Variants in NPFFR1 observed in about 807,000 individuals in gnomAD.
NPFFR1 encodes the protein neuropeptide FF receptor 1, also known as G-protein coupled receptor 147.
Under a neutral mutation model 12.7 loss-of-function variants are expected in NPFFR1, and 17 were observed. The ratio of observed to expected loss-of-function variants is 1.34; its 90% confidence interval spans 0.92 to 2.01. NPFFR1 has a LOEUF of 2.01. Among genes scored for constraint, NPFFR1 ranks in the 30% most tolerant of loss-of-function variants. The probability of loss-of-function intolerance (pLI) is 0.00; values close to 1 mark genes in which losing one functional copy is unlikely to be tolerated. For synonymous variants in NPFFR1, 296 were observed against 264.5 expected (o/e 1.12, Z -1.16); for missense variants, 604 against 606.5 (o/e 1.00, Z 0.04).
rs1254903928 is a variant in NPFFR1, at chr10:70,249,086, A to G, written c.*5871T>C. On this transcript the variant is annotated 3_prime_UTR_variant, in exon 4 of 4. Transcript: ENST00000277942. ...ACACTATATCCTCTTACCTTGCTTT[A>G]GACCCATTCTTAATGGATTTAAAAA... The G allele has an allele frequency of 6.6e-6, 1 of 152,140 alleles. No homozygotes were observed. Among genetic ancestry groups the G allele is most frequent in the Non-Finnish European group, 1.5e-5 (1 of 68,040 alleles). 9.4% of individuals were successfully genotyped at this position (152,140 alleles called of 1,614,324 possible).
intron 2 of NPFFR1, among the ~76,000 whole-genome samples, chr10:70,264,392 A>T (rs1840668453): frequency 7.2e-6 from 1 of 138,570 alleles, no homozygotes; most frequent in Non-Finnish European, 1.6e-5. Context: ...AAAAAAAAAG[A>T]AAGAAAAAAT....
Position 70,283,775 on chromosome 10 carries a change from C to T in NPFFR1, c.-99G>A. On this transcript the variant is annotated 5_prime_UTR_variant, in exon 1 of 4. Coordinates refer to ENST00000277942, the MANE Select transcript of NPFFR1 (RefSeq NM_022146.5). ...GGGACGGTCTCCGGGCACTTGGTTG[C>T]GGGCTGCGCCCCTGCCTCCGCGCTC... 7.3e-7 allele frequency: 1 copy of T among 1,364,772 alleles called. No homozygotes were observed. The highest frequency in any genetic ancestry group is 1.0e-6 in the Non-Finnish European group (1 of 995,606). 84.5% of individuals were successfully genotyped at this position (1,364,772 alleles called of 1,614,324 possible).
In NPFFR1 at chr10:70,253,986, G is replaced by A. The variant is rs1840537222; in HGVS notation, c.*971C>T. On this transcript the variant is annotated 3_prime_UTR_variant, in exon 4 of 4. Coordinates refer to ENST00000277942, the MANE Select transcript of NPFFR1 (RefSeq NM_022146.5). ...TGGCACTCCGGCTGCAGCTTCAGTT[G>A]ACCAACTTCTCCCTCCCAGGAAGCA... The A allele has an allele frequency of 1.3e-5, 2 of 152,216 alleles. No individual in the cohort carries two copies. The highest frequency in any genetic ancestry group is 4.1e-4 in the South Asian group (2 of 4,826). The allele number at this position is 152,216 out of a possible 1,614,324, so 9.4% of individuals were successfully genotyped here.
Position 70,277,182 on chromosome 10 carries a change from C to T in NPFFR1, c.7+6488G>A, listed in dbSNP as rs538392405. Among the ~76,000 whole-genome samples, 4 of 152,366 alleles carry T rather than the reference C, an allele frequency of 2.6e-5. No individual in the cohort carries two copies. In the East Asian group the frequency reaches 7.7e-4, roughly 29 times the overall value. On this transcript the variant is annotated intron_variant, in intron 1 of 3. Transcript: ENST00000277942. The stretch of plus-strand genomic sequence containing the variant: ...TCTGCCTCCCCAGCAGCAGCTGAGA[C>T]CCTTCCCATTCTTCCCTCCCAGTAA...
rs1547316 is a variant in NPFFR1, at chr10:70,250,837, C to T, written c.*4120G>A. Reference sequence around the variant, plus strand: ...AACTCGTCAAGCAGTACACTTAAGACGGGTGAATTTTTTCATATTCAAGTT... The same window carrying T: ...AACTCGTCAAGCAGTACACTTAAGATGGGTGAATTTTTTCATATTCAAGTT... On this transcript the variant is annotated 3_prime_UTR_variant, in exon 4 of 4. Coordinates refer to ENST00000277942, the MANE Select transcript of NPFFR1 (RefSeq NM_022146.5). 0.99 allele frequency: 151,267 copies of T among 152,354 alleles called. 75,103 individuals are homozygous for T. The highest frequency in any genetic ancestry group is 1 in the Middle Eastern group (294 of 294). 9.4% of individuals were successfully genotyped at this position (152,354 alleles called of 1,614,324 possible).
rs867317279 is a variant in NPFFR1 at position 70,283,626 on chromosome 10, G to T, written c.7+44C>A. 48 of 1,522,256 alleles carry T rather than the reference G, an allele frequency of 3.2e-5. No homozygotes were observed. The Middle Eastern group carries it at 3.3e-3, about 106-fold the overall frequency. 94.3% of individuals were successfully genotyped at this position (1,522,256 alleles called of 1,614,324 possible). ...TCCCTTCGCCCCATGCCCCGGAGTC[G>T]GTACCCTGCCCCACGGCTGGCCCCC... On this transcript the variant is annotated intron_variant, in intron 1 of 3. Coordinates refer to ENST00000277942, the MANE Select transcript of NPFFR1 (RefSeq NM_022146.5).
At position 70,271,276 on chromosome 10, in the gene NPFFR1, G is replaced by A. The variant is rs149376941; in HGVS notation, c.8-4885C>T. Reference sequence around the variant, plus strand: ...CCCTGTAGTCACAGTACTTTGGGAGGCCAAGGTGGGAGGATCACTTGAGCT... The same window carrying A: ...CCCTGTAGTCACAGTACTTTGGGAGACCAAGGTGGGAGGATCACTTGAGCT... On this transcript the variant is annotated intron_variant, in intron 1 of 3. Transcript: ENST00000277942. Among the ~76,000 whole-genome samples the A allele has an allele frequency of 4.6e-3, 699 of 152,282 alleles. 8 individuals carry two copies. Among genetic ancestry groups the A allele is most frequent in the African/African-American group, 0.016 (651 of 41,540 alleles).
intron 1 of NPFFR1, among the ~76,000 whole-genome samples, chr10:70,275,641 T>C (rs1295902778): frequency 1.3e-5 from 2 of 152,132 alleles, no homozygotes; most frequent in Admixed American, 1.3e-4. Flanking sequence ...AAGCATGCCT[T>C]GTTCAGCTTG....
intron 1 of NPFFR1, among the ~76,000 whole-genome samples, chr10:70,270,494 C>A (rs1840734742): frequency 6.6e-6 from 1 of 152,224 alleles, no homozygotes; most frequent in African/African-American, 2.4e-5. Context: ...CCCCCACTAT[C>A]CTTCACTTGG....
chr10:70,275,644 T>A (rs553037343), intron 1 of NPFFR1, among the ~76,000 whole-genome samples: 1 of 152,268 alleles, frequency 6.6e-6, no homozygotes, highest in African/African-American at 2.4e-5. Flanking sequence ...CATGCCTTGT[T>A]CAGCTTGAAA....
At position 70,283,748 on chromosome 10, in the gene NPFFR1, G is replaced by A; in HGVS notation, c.-72C>T. 1 of 1,505,008 alleles carries A rather than the reference G, an allele frequency of 6.6e-7. No homozygotes were observed. Among genetic ancestry groups the A allele is most frequent in the African/African-American group, 1.4e-5 (1 of 72,552 alleles). 93.2% of individuals were successfully genotyped at this position (1,505,008 alleles called of 1,614,324 possible). A position where few individuals can be genotyped will look rare whatever the true frequency, so the allele number is the denominator to read the frequency against. On this transcript the variant is annotated 5_prime_UTR_variant, in exon 1 of 4. Transcript: ENST00000277942. ...GCGGGCCCCTTCGGGCCAGCGGGCA[G>A]AGGGACGGTCTCCGGGCACTTGGTT... is the stretch of plus-strand genomic sequence containing the variant.
intron 1 of NPFFR1, among the ~76,000 whole-genome samples, chr10:70,283,135 TG>T (rs1840879270): frequency 7.0e-6 from 1 of 142,238 alleles, no homozygotes; most frequent in African/African-American, 2.6e-5. Flanking sequence ...TCTCTTTTTG[TG>T]TGTGTGTGTG....
intron 1 of NPFFR1, among the ~76,000 whole-genome samples, chr10:70,283,129 T>TC (rs1840878735): frequency 1.5e-5 from 1 of 65,380 alleles, no homozygotes; most frequent in Non-Finnish European, 3.3e-5. Context: ...GGACTCTCTC[T>TC]TTTTGTGTGT....
At chr10:70,269,683 G>A (rs1394304499) in intron 1 of NPFFR1, among the ~76,000 whole-genome samples, 1 of 152,042 alleles carries the variant, frequency 6.6e-6, no homozygotes. Context: ...AGCTAATTTT[G>A]TATTTTTAAT....
In NPFFR1 at chr10:70,255,700, G is replaced by C; in HGVS notation, c.550C>G (p.Arg184Gly). The C allele has an allele frequency of 6.2e-7, 1 of 1,606,902 alleles. No individual in the cohort carries two copies. The change falls in exon 4 of 4, where the codon CGT becomes GGT. Residue 184 changes from arginine (R) to glycine (G), a missense_variant. By Grantham distance (125) the Arg-to-Gly change is moderately radical. Coordinates refer to ENST00000277942, the MANE Select transcript of NPFFR1 (RefSeq NM_022146.5). This position sits in a 1 kb window ranked among gnomAD's most constrained non-coding sequence, Gnocchi z 4.2. ...TCCACCATGAAGTGGTGCTCCTCAC[G>C]GGTGACGGTCAGCGTGACGGCCGAG... ...CPSAVTLTVT[R>G]EEHHFMVDAR...
chr10:70,256,593 C>G (rs1337813980), intron 3 of NPFFR1, among the ~76,000 whole-genome samples: 1 of 152,232 alleles, frequency 6.6e-6, no homozygotes, highest in African/African-American at 2.4e-5. Context: ...CTCTACAATG[C>G]AAGGACAAGT....
chr10:70,281,507 T>C lies in NPFFR1; in HGVS notation c.7+2163A>G, dbSNP rs142968364. 3.6e-3 allele frequency among the ~76,000 whole-genome samples: 547 copies of C among 152,250 alleles called. 1 individual carries two copies. Among genetic ancestry groups the C allele is most frequent in the African/African-American group, 0.012 (515 of 41,542 alleles). ...AAATAGACTCCCTATATCCAAGCTC[T>C]TGTCTTAGGGTCTGCTTTCAGAAGC... On this transcript the variant is annotated intron_variant, in intron 1 of 3. Transcript: ENST00000277942.
intron 1 of NPFFR1, among the ~76,000 whole-genome samples, chr10:70,267,288 C>T (rs975192646): frequency 1.3e-5 from 2 of 152,150 alleles, no homozygotes; most frequent in African/African-American, 4.8e-5. Flanking sequence ...CAACCTTTGC[C>T]TCCTCCCATC....
intron 2 of NPFFR1, among the ~76,000 whole-genome samples, chr10:70,261,281 C>T (rs1840630858): frequency 6.6e-6 from 1 of 152,182 alleles, no homozygotes; most frequent in Non-Finnish European, 1.5e-5. Context: ...TCTTCTCTCT[C>T]CTGCTGACTT....
Sources: gnomAD v4.1 joint callset for allele counts (sites outside exome capture counted in the v4.1 genomes callset) on GRCh38, gnomAD v4.1.1 for gene constraint, Gnocchi (gnomAD v3.1) non-coding constraint, MANE v1.5 for transcripts, NCBI Gene and HGNC (gene_info 2026-07-23, HGNC 2026-07-21) for gene names.